SLC14A2: variants seen among roughly 807,000 people sequenced by gnomAD.
SLC14A2 encodes the protein urea transporter 2.
Under a neutral mutation model 104.6 loss-of-function variants are expected in SLC14A2, and 91 were observed. That is an observed-to-expected ratio of 0.87 (90% CI 0.73 to 1.04). SLC14A2 has a LOEUF of 1.04. SLC14A2 is among the 50% of genes least tolerant of loss of function. The pLI, the probability that SLC14A2 is intolerant of heterozygous loss-of-function variation, is 0.00. For synonymous variants in SLC14A2, 476 were observed against 466.4 expected, an observed-to-expected ratio of 1.02 and a Z score of -0.27; for missense variants, 1,189 against 1,156.0, an observed-to-expected ratio of 1.03 and a Z score of -0.41.
chr18:45,187,532 T>C, the SLC14A2 span, among the ~76,000 whole-genome samples: 2 of 152,146 alleles, frequency 1.3e-5, no homozygotes. Context: ...ACTATCATTG[T>C]TTACTAGAGG....
At chr18:45,365,385 G>A (rs1324452888) in intron 1 of SLC14A2, among the ~76,000 whole-genome samples, 2 of 152,242 alleles carry the variant, frequency 1.3e-5, no homozygotes, top group Non-Finnish European at 2.9e-5. Context: ...TGTGTGTTAA[G>A]TGTCTTGTTA....
intron 7 of SLC14A2, among the ~76,000 whole-genome samples, chr18:45,640,235 C>T (rs1331018263): frequency 1.3e-5 from 2 of 151,526 alleles, no homozygotes; most frequent in African/African-American, 4.9e-5. Flanking sequence ...AAGATCGTAC[C>T]ACCTCACTCC....
At chr18:45,542,614 T>C (rs549760823) in intron 2 of SLC14A2, among the ~76,000 whole-genome samples, 1 of 152,336 alleles carries the variant, frequency 6.6e-6, no homozygotes, top group African/African-American at 2.4e-5. Flanking sequence ...ATTTTCCCAC[T>C]GACTTCCATT....
At chr18:45,493,991 T>C (rs1330942115) in intron 2 of SLC14A2, among the ~76,000 whole-genome samples, 2 of 152,228 alleles carry the variant, frequency 1.3e-5, no homozygotes, top group Admixed American at 6.5e-5. Context: ...CCAAATCATG[T>C]CTGCAAAGAG....
intron 2 of SLC14A2, among the ~76,000 whole-genome samples, chr18:45,488,221 A>T (rs538454456): frequency 6.6e-6 from 1 of 152,298 alleles, no homozygotes; most frequent in East Asian, 1.9e-4. Context: ...TAACGTGAGC[A>T]TGGCAGAATG....
intron 1 of SLC14A2, among the ~76,000 whole-genome samples, chr18:45,354,320 G>A (rs1399146806): frequency 6.6e-6 from 1 of 152,200 alleles, no homozygotes; most frequent in Non-Finnish European, 1.5e-5. Flanking sequence ...GACACTGGGA[G>A]GAGGCTGATT....
chr18:45,490,858 A>T (rs1023861105), intron 2 of SLC14A2, among the ~76,000 whole-genome samples: 1 of 152,244 alleles, frequency 6.6e-6, no homozygotes, highest in Non-Finnish European at 1.5e-5. Flanking sequence ...GGCCTATAAA[A>T]ATATGAAAAG....
At chr18:45,609,058 A>T (rs2044924179) in intron 2 of SLC14A2, among the ~76,000 whole-genome samples, 1 of 152,122 alleles carries the variant, frequency 6.6e-6, no homozygotes, top group South Asian at 2.1e-4. Flanking sequence ...GGAGGAGGGG[A>T]AGAAGCCCCA....
At chr18:45,588,423 A>G (rs375544117) in intron 2 of SLC14A2, among the ~76,000 whole-genome samples, 1 of 152,180 alleles carries the variant, frequency 6.6e-6, no homozygotes, top group Non-Finnish European at 1.5e-5. Context: ...TCTCCCACCC[A>G]CATGGCTGGA....
At chr18:45,481,216 T>C (rs1450500409) in intron 1 of SLC14A2, among the ~76,000 whole-genome samples, 1 of 152,104 alleles carries the variant, frequency 6.6e-6, no homozygotes, top group East Asian at 1.9e-4. Flanking sequence ...CTCTCCCCTC[T>C]CTCCTCCCTC....
At chr18:45,178,179 TAA>T in the SLC14A2 span, among the ~76,000 whole-genome samples, 1 of 152,050 alleles carries the variant, frequency 6.6e-6, no homozygotes, top group African/African-American at 2.4e-5. Flanking sequence ...ATAAAACACT[TAA>T]AGCAATAGTA....
chr18:45,191,173 C>G, the SLC14A2 span, among the ~76,000 whole-genome samples: 3 of 152,250 alleles, frequency 2.0e-5, no homozygotes, highest in East Asian at 1.9e-4. Flanking sequence ...GTCCTCTCCC[C>G]CAATAGACTA....
chr18:45,451,688 A>G (rs1170804186), intron 1 of SLC14A2, among the ~76,000 whole-genome samples: 3 of 152,144 alleles, frequency 2.0e-5, no homozygotes, highest in Non-Finnish European at 4.4e-5. Flanking sequence ...TATGCCTGCA[A>G]TTGCACTCCA....
At chr18:45,404,288 T>C (rs2086129449) in intron 1 of SLC14A2, among the ~76,000 whole-genome samples, 2 of 152,192 alleles carry the variant, frequency 1.3e-5, no homozygotes. Flanking sequence ...GAGCCTAATG[T>C]ACTATGATAG....
At chr18:45,462,839 T>C (rs1352774562) in intron 1 of SLC14A2, among the ~76,000 whole-genome samples, 1 of 152,212 alleles carries the variant, frequency 6.6e-6, no homozygotes, top group South Asian at 2.1e-4. Context: ...GAATGCCTAC[T>C]TTGCAGATTT....
At chr18:45,353,575 A>G (rs1430781309) in intron 1 of SLC14A2, among the ~76,000 whole-genome samples, 1 of 152,208 alleles carries the variant, frequency 6.6e-6, no homozygotes, top group Non-Finnish European at 1.5e-5. Flanking sequence ...CTTACCTCTT[A>G]GTTATCAATG....
the SLC14A2 span, among the ~76,000 whole-genome samples, chr18:45,193,063 A>G: frequency 1.3e-5 from 2 of 152,104 alleles, no homozygotes; most frequent in East Asian, 3.9e-4. Flanking sequence ...GTCTGTTTAT[A>G]TCTTTTGCTT....
chr18:45,495,354 C>A (rs2043075797), intron 2 of SLC14A2, among the ~76,000 whole-genome samples: 1 of 152,166 alleles, frequency 6.6e-6, no homozygotes, highest in East Asian at 1.9e-4. Flanking sequence ...TGGCCGGGGC[C>A]TCAAAGCATT....
chr18:45,569,448 T>A (rs760581609), intron 2 of SLC14A2, among the ~76,000 whole-genome samples: 1 of 152,196 alleles, frequency 6.6e-6, no homozygotes, highest in Non-Finnish European at 1.5e-5. Flanking sequence ...AGCTTCCTCC[T>A]TACAAAATAA....
Sources: gnomAD v4.1 joint callset for allele counts (sites outside exome capture counted in the v4.1 genomes callset) on GRCh38, gnomAD v4.1.1 for gene constraint, MANE v1.5 for transcripts, NCBI Gene and HGNC (gene_info 2026-07-23, HGNC 2026-07-21) for gene names.